The following RBFOX2 variants were observed in gnomAD, a reference collection of about 807,000 sequenced individuals.
RBFOX2 encodes the protein RNA binding fox-1 homolog 2, also known as RNA binding protein fox-1 homolog 2.
Under a neutral mutation model 49.1 loss-of-function variants are expected in RBFOX2, and 10 were observed. The ratio of observed to expected loss-of-function variants is 0.20; its 90% confidence interval spans 0.13 to 0.35. The LOEUF (loss-of-function observed/expected upper bound fraction) is 0.35, where lower values mean the gene tolerates loss of function less well. Among genes scored for constraint, RBFOX2 ranks in the 10% least tolerant of loss-of-function variants. RBFOX2 has a pLI of 1.00. For missense variants in RBFOX2, 323 were observed against 486.9 expected (o/e 0.66, Z 3.17); for synonymous variants, 183 against 187.4 (o/e 0.98, Z 0.19).
At chr22:35,789,992 T>G (rs1347143522) in intron 2 of RBFOX2, among the ~76,000 whole-genome samples, 1 of 152,200 alleles carries the variant, frequency 6.6e-6, no homozygotes, top group Non-Finnish European at 1.5e-5. Flanking sequence ...AATTTGTTCT[T>G]TAAGTCTTCT....
intron 2 of RBFOX2, among the ~76,000 whole-genome samples, chr22:35,797,977 C>G (rs534814739): frequency 6.6e-6 from 1 of 152,138 alleles, no homozygotes; most frequent in East Asian, 1.9e-4. Flanking sequence ...CTTTGTTTTT[C>G]TTTTCTTGTT....
rs36048607 is a variant in RBFOX2, at chr22:35,853,658, C to CGTGTGTGT, written c.-33-43662_-33-43655dup. ...CCATACATATACATATATATACACA[C>CGTGTGTGT]GTGTGTGTGTGTGTGTGTGTGTGTG... On this transcript the variant is annotated intron_variant, in intron 1 of 13. Transcript: ENST00000359369. Among the ~76,000 whole-genome samples, 474 of 141,138 alleles carry CGTGTGTGT rather than the reference C, an allele frequency of 3.4e-3. 4 individuals are homozygous for CGTGTGTGT. The highest frequency in any genetic ancestry group is 0.014 in the East Asian group (65 of 4,714). 92.6% of individuals were successfully genotyped at this position (141,138 alleles called of 152,430 possible). A position where few individuals can be genotyped will look rare whatever the true frequency, so the allele number is the denominator to read the frequency against.
At chr22:35,909,613 C>CGAGCAATG (rs1556382106) in intron 1 of RBFOX2, among the ~76,000 whole-genome samples, 2 of 152,096 alleles carry the variant, frequency 1.3e-5, no homozygotes, top group Non-Finnish European at 2.9e-5. Flanking sequence ...GCAATGTCTC[C>CGAGCAATG]GAGCAATGTC....
At chr22:35,984,414 T>C (rs1487512480) in intron 1 of RBFOX2, among the ~76,000 whole-genome samples, 2 of 152,220 alleles carry the variant, frequency 1.3e-5, no homozygotes, top group African/African-American at 2.4e-5. Flanking sequence ...GTTCTGGACT[T>C]GCAAAATATT....
At chr22:35,789,498 G>A (rs1342977306) in intron 2 of RBFOX2, among the ~76,000 whole-genome samples, 7 of 151,966 alleles carry the variant, frequency 4.6e-5, no homozygotes, top group Admixed American at 6.6e-5. Flanking sequence ...AGCTGAGATC[G>A]CACCATTGCA....
chr22:36,004,860 CA>C (rs1282353221), intron 1 of RBFOX2, among the ~76,000 whole-genome samples: 1 of 152,112 alleles, frequency 6.6e-6, no homozygotes, highest in African/African-American at 2.4e-5. Context: ...TGAGACTGAG[CA>C]ACCCTTTCAT....
chr22:35,739,846 T>G (rs1421446042), exon 12 of RBFOX2: 1 of 152,624 alleles, frequency 6.6e-6, no homozygotes, highest in Non-Finnish European at 1.5e-5. Flanking sequence ...GTCCCTCTGC[T>G]GGTGGCCTCC....
At chr22:35,880,450 G>A (rs926948431) in intron 1 of RBFOX2, among the ~76,000 whole-genome samples, 3 of 152,158 alleles carry the variant, frequency 2.0e-5, no homozygotes, top group African/African-American at 7.2e-5. Context: ...TAGGCAGTTA[G>A]ATATGAGCTT....
chr22:35,840,329 A>G, exon 1 of RBFOX2: 1 of 1,559,878 alleles, frequency 6.4e-7, no homozygotes, highest in Non-Finnish European at 8.8e-7. Context: ...AAGGGTGGGT[A>G]ATTGATCTCT....
intron 6 of RBFOX2, among the ~76,000 whole-genome samples, chr22:35,765,042 GAA>G (rs1387263122): frequency 1.3e-5 from 2 of 151,680 alleles, no homozygotes; most frequent in African/African-American, 4.8e-5. Context: ...TCAGATGAAT[GAA>G]AGTCAGAACT....
At chr22:35,880,429 GA>G (rs1428425357) in intron 1 of RBFOX2, among the ~76,000 whole-genome samples, 1 of 152,282 alleles carries the variant, frequency 6.6e-6, no homozygotes, top group Non-Finnish European at 1.5e-5. Context: ...ATTACAGATG[GA>G]AATGTCAAGT....
At chr22:35,809,512 T>C (rs1276208022) in intron 2 of RBFOX2, among the ~76,000 whole-genome samples, 2 of 152,108 alleles carry the variant, frequency 1.3e-5, no homozygotes, top group Non-Finnish European at 1.5e-5. Context: ...TATGGAGTAC[T>C]GCACCATTTA....
At chr22:35,782,578 T>G (rs1945419795) in intron 2 of RBFOX2, among the ~76,000 whole-genome samples, 1 of 152,154 alleles carries the variant, frequency 6.6e-6, no homozygotes, top group Non-Finnish European at 1.5e-5. Flanking sequence ...GCCTTGGCCT[T>G]CCAAAGTGTT....
Position 35,916,299 on chromosome 22 carries a change from T to C in RBFOX2, c.-34+22548A>G, listed in dbSNP as rs1309202376. 2.0e-5 allele frequency among the ~76,000 whole-genome samples: 3 copies of C among 152,196 alleles called. No homozygotes were observed. The East Asian group carries it at 5.8e-4, about 29-fold the overall frequency. On this transcript the variant is annotated intron_variant, in intron 1 of 13. Transcript: ENST00000359369. Reference sequence around the variant, plus strand: ...GTGTTTGCATGTTTGTTTGTTTGTTTGTGACAGGGTCTCACTCTGTTGCTC... The same window carrying C: ...GTGTTTGCATGTTTGTTTGTTTGTTCGTGACAGGGTCTCACTCTGTTGCTC...
At chr22:35,987,022 A>G (rs1192735967) in intron 1 of RBFOX2, among the ~76,000 whole-genome samples, 2 of 152,138 alleles carry the variant, frequency 1.3e-5, no homozygotes, top group Non-Finnish European at 2.9e-5. Flanking sequence ...TAAACAGTCC[A>G]AACTGTTTTC....
intron 1 of RBFOX2, among the ~76,000 whole-genome samples, chr22:35,903,721 C>A (rs899162990): frequency 6.6e-6 from 1 of 152,164 alleles, no homozygotes; most frequent in Non-Finnish European, 1.5e-5. Context: ...TCATCCCTCA[C>A]ATCCAACCTA....
chr22:35,866,756 A>G (rs2149139514), intron 1 of RBFOX2, among the ~76,000 whole-genome samples: 1 of 152,300 alleles, frequency 6.6e-6, no homozygotes, highest in South Asian at 2.1e-4. Flanking sequence ...GAACAAGAAA[A>G]GGGGTGGCCT....
chr22:35,786,976 G>A (rs558531435), intron 2 of RBFOX2, among the ~76,000 whole-genome samples: 4 of 152,184 alleles, frequency 2.6e-5, no homozygotes, highest in East Asian at 1.9e-4. Flanking sequence ...AAGAGTCTCC[G>A]GGAGTGGAGA....
At position 35,768,355 on chromosome 22, in the gene RBFOX2, T is replaced by C. The variant is rs752586957; in HGVS notation, c.454-6A>G. The C allele has an allele frequency of 3.7e-6, 6 of 1,612,570 alleles. No homozygotes were observed. Among genetic ancestry groups the C allele is most frequent in the Non-Finnish European group, 5.1e-6 (6 of 1,178,786 alleles). On this transcript the variant is annotated splice_region_variant and splice_polypyrimidine_tract_variant and intron_variant, in intron 4 of 11. Transcript: ENST00000405409. The stretch of plus-strand genomic sequence containing the variant: ...AAAGTTACGAACCCGAATCCCTGCA[T>C]GCAGCGGGAGAAGGGGGGAAAACAT...
Sources: allele counts gnomAD v4.1 joint callset (sites outside exome capture counted in the v4.1 genomes callset), GRCh38; gene constraint gnomAD v4.1.1; transcripts MANE v1.5; gene names NCBI Gene and HGNC (gene_info 2026-07-23, HGNC 2026-07-21).